GRK3: variants seen among roughly 807,000 people sequenced by gnomAD.
GRK3 encodes the protein G protein-coupled receptor kinase 3.
GRK3 carries 54 observed loss-of-function variants against 95.7 expected under a neutral mutation model. The observed-to-expected ratio is 0.56, with a 90% confidence interval of 0.45 to 0.71. The LOEUF (loss-of-function observed/expected upper bound fraction) is 0.71. GRK3 is among the 30% of genes least tolerant of loss of function. GRK3 has a pLI of 0.00. For missense variants in GRK3, 649 were observed against 851.2 expected (o/e 0.76, Z 2.96); for synonymous variants, 281 against 290.8 (o/e 0.97, Z 0.34).
rs919293116 is a variant in GRK3, at chr22:25,723,963, G to A, written c.*1513G>A. 3 of 150,144 alleles carry A rather than the reference G, an allele frequency of 2.0e-5. No homozygotes were observed. Among genetic ancestry groups the A allele is most frequent in the African/African-American group, 4.9e-5 (2 of 40,876 alleles). The allele number at this position is 150,144 out of a possible 1,614,324, so 9.3% of individuals were successfully genotyped here. On this transcript the variant is annotated 3_prime_UTR_variant, in exon 21 of 21. Coordinates refer to ENST00000324198, the MANE Select transcript of GRK3 (RefSeq NM_005160.4). ...GTTACTTTGCAAAAAAAAAAATGTG[G>A]GTTTTTTTTTTTGTCTATCTCAACT... is the stretch of plus-strand genomic sequence containing the variant.
At chr22:25,605,771 G>A (rs1339389429) in intron 2 of GRK3, among the ~76,000 whole-genome samples, 2 of 152,168 alleles carry the variant, frequency 1.3e-5, no homozygotes, top group East Asian at 3.8e-4. Flanking sequence ...CACGAATTGA[G>A]TTTCTGCCTC....
chr22:25,697,604 G>A (rs141910782), intron 13 of GRK3, among the ~76,000 whole-genome samples: 44 of 152,322 alleles, frequency 2.9e-4, no homozygotes, highest in Admixed American at 5.2e-4. Flanking sequence ...TTAGGGGAGC[G>A]CATGGTTGGC....
At chr22:25,721,173 A>T (rs2085429519) in intron 19 of GRK3, 111 bp from the exon 20 acceptor site, 1 of 543,412 alleles carries the variant, frequency 1.8e-6, no homozygotes, top group Non-Finnish European at 3.2e-6. Flanking sequence ...TCAAAGAAAG[A>T]AAACCGAATG....
intron 2 of GRK3, among the ~76,000 whole-genome samples, chr22:25,629,254 G>C (rs1457776652): frequency 1.3e-5 from 2 of 152,166 alleles, no homozygotes; most frequent in East Asian, 3.9e-4. Context: ...GGTCAAGCCT[G>C]CAGGAAAAGA....
In GRK3 at chr22:25,565,109, C is replaced by A; in HGVS notation, c.69C>A (p.Thr23=). Residue 23 remains threonine, a synonymous_variant, in exon 1 of 21, where the codon ACC becomes ACA. Transcript: ENST00000324198. ...YLMAMEKSKA[T]PAARASKRIV... is the part of the protein sequence containing the mutation. The stretch of plus-strand genomic sequence containing the variant: ...TGGCCATGGAGAAGAGCAAGGCGAC[C>A]CCGGCCGCCCGCGCCAGCAAGAGGA... 2 of 1,550,216 alleles carry A rather than the reference C, an allele frequency of 1.3e-6. No homozygotes were observed. Among genetic ancestry groups the A allele is most frequent in the African/African-American group, 1.4e-5 (1 of 70,198 alleles).
rs1000738501 is a variant in GRK3 at position 25,604,424 on chromosome 22, C to G, written c.161C>G (p.Thr54Ser). Residue 54 changes from threonine to serine, a missense_variant, in exon 2 of 21, where the codon ACC (threonine) becomes AGC (serine). Thr to Ser is a moderately conservative substitution (Grantham distance 58, BLOSUM62 1). Transcript: ENST00000324198. ...QKYLAERNEI[T>S]FDKIFNQKIG... ...TACCTTGCAGAGAGAAATGAAATAA[C>G]CTTTGACAAGATTTTCAATCAGAAA... 4 of 1,611,572 alleles carry G rather than the reference C, an allele frequency of 2.5e-6. No homozygotes were observed. Among genetic ancestry groups the G allele is most frequent in the African/African-American group, 1.3e-5 (1 of 74,796 alleles).
At chr22:25,645,633 T>C (rs1457458419) in intron 3 of GRK3, among the ~76,000 whole-genome samples, 1 of 151,988 alleles carries the variant, frequency 6.6e-6, no homozygotes, top group Admixed American at 6.5e-5. Context: ...AGAAACAGGA[T>C]CAAAGCAGGC....
chr22:25,609,973 G>A (rs1049723833), intron 2 of GRK3, among the ~76,000 whole-genome samples: 3 of 149,492 alleles, frequency 2.0e-5, no homozygotes, highest in African/African-American at 7.4e-5. Flanking sequence ...TCAGCCTCCC[G>A]AGTAGCTGGG....
At chr22:25,649,392 A>G (rs2084811546) in intron 3 of GRK3, among the ~76,000 whole-genome samples, 1 of 152,122 alleles carries the variant, frequency 6.6e-6, no homozygotes, top group Non-Finnish European at 1.5e-5. Flanking sequence ...ACTTTTTTTT[A>G]CCCCAAGTAT....
intron 15 of GRK3, among the ~76,000 whole-genome samples, chr22:25,709,544 G>C (rs564546724): frequency 6.6e-6 from 1 of 151,908 alleles, no homozygotes; most frequent in South Asian, 2.1e-4. Context: ...TTAATGTGTA[G>C]ATATCCAATT....
chr22:25,679,081 G>C (rs2085054852), intron 9 of GRK3, among the ~76,000 whole-genome samples, 166 bp downstream of exon 9: 1 of 152,190 alleles, frequency 6.6e-6, no homozygotes, highest in Non-Finnish European at 1.5e-5. Context: ...AAGAACACCA[G>C]CCACCTCCAT....
Position 25,661,594 on chromosome 22 carries a change from C to T in GRK3, c.283C>T (p.Leu95Phe), listed in dbSNP as rs2084909828. The T allele has an allele frequency of 6.2e-7, 1 of 1,611,216 alleles. No homozygotes were observed. Among genetic ancestry groups the T allele is most frequent in the Admixed American group, 1.7e-5 (1 of 59,906 alleles). ...AACCTAGATAAAGGAATATGAAAAACTTGATAATGAGGAAGACCGCCTTTG... is the reference window on the plus strand; with the variant it reads ...AACCTAGATAAAGGAATATGAAAAATTTGATAATGAGGAAGACCGCCTTTG... Reference protein sequence around the residue: ...FYEEIKEYEKLDNEEDRLCRS... With the variant: ...FYEEIKEYEKFDNEEDRLCRS... The change falls in exon 4 of 21, where the codon CTT (leucine) becomes TTT (phenylalanine). Residue 95 changes from leucine to phenylalanine, a missense_variant. This residue lies in a region of GRK3 where 206 missense variants were observed against 231.4 expected (regional missense o/e 0.89). Coordinates refer to ENST00000324198, the MANE Select transcript of GRK3 (RefSeq NM_005160.4).
intron 2 of GRK3, among the ~76,000 whole-genome samples, chr22:25,621,402 C>A (rs868779430): frequency 4.6e-5 from 7 of 152,054 alleles, no homozygotes; most frequent in Admixed American, 1.3e-4. Flanking sequence ...CACATGTTTA[C>A]GTTACCCATC....
intron 2 of GRK3, among the ~76,000 whole-genome samples, chr22:25,615,440 G>T (rs1299063181): frequency 6.6e-6 from 1 of 152,160 alleles, no homozygotes; most frequent in African/African-American, 2.4e-5. Context: ...TCTGGTTTTA[G>T]ATTTTTTTGG....
chr22:25,628,945 A>G (rs936755006), intron 2 of GRK3, among the ~76,000 whole-genome samples: 5 of 152,166 alleles, frequency 3.3e-5, no homozygotes, highest in African/African-American at 9.7e-5. Flanking sequence ...GAAGAAACTA[A>G]TAACAGCAGG....
At chr22:25,679,361 G>A (rs986058203) in intron 9 of GRK3, among the ~76,000 whole-genome samples, 1 of 152,190 alleles carries the variant, frequency 6.6e-6, no homozygotes, top group Non-Finnish European at 1.5e-5. Context: ...TCCCTAGTCA[G>A]CGTTTCACTG....
chr22:25,606,279 G>A (rs2084445819), intron 2 of GRK3, among the ~76,000 whole-genome samples: 1 of 152,252 alleles, frequency 6.6e-6, no homozygotes, highest in Admixed American at 6.5e-5. Context: ...CTGGTCAGGA[G>A]AAGCTGAGTT....
chr22:25,603,077 C>T (rs746879985), intron 1 of GRK3, among the ~76,000 whole-genome samples: 1 of 152,088 alleles, frequency 6.6e-6, no homozygotes, highest in East Asian at 1.9e-4. Context: ...CAACCACACC[C>T]AGCTAATTTT....
intron 13 of GRK3, among the ~76,000 whole-genome samples, chr22:25,697,259 C>G (rs2085216638): frequency 6.6e-6 from 1 of 152,192 alleles, no homozygotes; most frequent in Non-Finnish European, 1.5e-5. Context: ...TGTAACACTG[C>G]TTCATTTTTT....
Sources: gnomAD v4.1 joint callset for allele counts (sites outside exome capture counted in the v4.1 genomes callset) on GRCh38, gnomAD v4.1.1 for gene constraint, gnomAD v4.1.1 regional missense constraint, MANE v1.5 for transcripts, NCBI Gene and HGNC (gene_info 2026-07-23, HGNC 2026-07-21) for gene names.